The following ARAP1 variants were observed in gnomAD, a reference collection of about 807,000 sequenced individuals.
The protein encoded by ARAP1 is ArfGAP with RhoGAP domain, ankyrin repeat and PH domain 1.
Under a neutral mutation model 172.2 loss-of-function variants are expected in ARAP1, and 76 were observed. The observed-to-expected ratio is 0.44, with a 90% CI of 0.37 to 0.53. ARAP1 has a LOEUF of 0.53. ARAP1 is among the 20% of genes least tolerant of loss of function. ARAP1 has a pLI of 0.00. For missense variants in ARAP1, 1,686 were observed against 1,977.5 expected, an observed-to-expected ratio of 0.85 and a Z score of 2.80; for synonymous variants, 804 against 803.3, an observed-to-expected ratio of 1.00 and a Z score of -0.01.
intron 4 of ARAP1, 78 bp from the exon 5 acceptor site, chr11:72,713,321 A>G: frequency 7.3e-7 from 1 of 1,375,386 alleles, no homozygotes; most frequent in South Asian, 1.2e-5. Flanking sequence ...GGGCTTCACA[A>G]AGCCTCCCCC....
intron 33 of ARAP1, among the ~76,000 whole-genome samples, chr11:72,686,996 T>C (rs531476134): frequency 1.3e-5 from 2 of 152,340 alleles, no homozygotes; most frequent in Admixed American, 6.5e-5. Context: ...CACATTCCAC[T>C]GTAACAATCT....
intron 23 of ARAP1, 48 bp downstream of exon 23, chr11:72,696,501 A>G: frequency 7.0e-7 from 1 of 1,428,938 alleles, no homozygotes; most frequent in Non-Finnish European, 9.3e-7. Context: ...GGGGTAGAAG[A>G]ACCTTCATCC....
chr11:72,695,191 T>A lies in ARAP1; in HGVS notation c.3577-94A>T. The A allele has an allele frequency of 7.0e-7, 1 of 1,433,166 alleles. No individual in the cohort carries two copies. Among genetic ancestry groups the A allele is most frequent in the Non-Finnish European group, 9.7e-7 (1 of 1,030,084 alleles). The allele number at this position is 1,433,166 out of a possible 1,614,324, so 88.8% of individuals were successfully genotyped here. A position where few individuals can be genotyped will look rare whatever the true frequency, so the allele number is the denominator to read the frequency against. Reference sequence around the variant, plus strand: ...GACTCAGAGCCTGAGCCCATCCTTCTCAGGCCCTTCTGGAGTCCTGGGATA... The same window carrying A: ...GACTCAGAGCCTGAGCCCATCCTTCACAGGCCCTTCTGGAGTCCTGGGATA... On this transcript the variant is annotated intron_variant, in intron 26 of 34. Coordinates refer to ENST00000393609, the MANE Select transcript of ARAP1 (RefSeq NM_001040118.3). The surrounding 1 kb of genome is among the most constrained non-coding windows in gnomAD (Gnocchi z 4.4).
Position 72,703,064 on chromosome 11 carries a change from C to G in ARAP1, c.2008G>C (p.Val670Leu). 6.3e-7 allele frequency: 1 copy of G among 1,585,312 alleles called. No homozygotes were observed. Among genetic ancestry groups the G allele is most frequent in the Non-Finnish European group, 8.6e-7 (1 of 1,167,698 alleles). ...EELDKALCAA[V>L]TTTDLAETQA... ...GTCTCAGCCAGGTCTGTGGTGGTGA[C>G]TGCAGCACACAGGGCCTAGGAAGAG... The change falls in exon 15 of 35, where the codon GTC becomes CTC. Residue 670 changes from valine to leucine, a missense_variant. By Grantham distance (32) the Val-to-Leu change is conservative. Transcript: ENST00000393609.
chr11:72,698,081 T>C lies in ARAP1; in HGVS notation c.2567A>G (p.Asp856Gly). Residue 856 changes from aspartate to glycine, a missense_variant, in exon 19 of 35, where the codon GAT (aspartate) becomes GGT (glycine). Physicochemically the swap from Asp to Gly is moderately conservative, Grantham distance 94. This residue lies in a region of ARAP1 where 688 missense variants were observed against 856.9 expected (regional missense o/e 0.80). Coordinates refer to ENST00000393609, the MANE Select transcript of ARAP1 (RefSeq NM_001040118.3). ...CCGCTCAAAATCCCGGGCCAGCAGATCCTCGGCTAGGGGAGGCACGAATGC... is the reference window on the plus strand; with the variant it reads ...CCGCTCAAAATCCCGGGCCAGCAGACCCTCGGCTAGGGGAGGCACGAATGC... ...AKAFVPPLAE[D>G]LLARDFERLG... The C allele has an allele frequency of 6.2e-7, 1 of 1,603,832 alleles. No individual in the cohort carries two copies. Among genetic ancestry groups the C allele is most frequent in the Non-Finnish European group, 8.5e-7 (1 of 1,175,970 alleles).
intron 32 of ARAP1, 84 bp downstream of exon 32, chr11:72,687,604 T>C (rs1368742269): frequency 1.9e-6 from 3 of 1,612,442 alleles, no homozygotes; most frequent in Non-Finnish European, 2.5e-6. Flanking sequence ...GTCACAGATC[T>C]GGGCAGTGAT....
At chr11:72,744,735 C>A (rs984352190) in intron 1 of ARAP1, among the ~76,000 whole-genome samples, 5 of 152,146 alleles carry the variant, frequency 3.3e-5, no homozygotes, top group Non-Finnish European at 7.4e-5. Flanking sequence ...ACCTCCCTCC[C>A]CCGTCCCCCA....
Position 72,726,932 on chromosome 11 carries a change from C to T in ARAP1, c.197G>A (p.Arg66His), listed in dbSNP as rs778689879. The change falls in exon 3 of 35, where the codon CGT (arginine) becomes CAT (histidine). Residue 66 changes from arginine to histidine, a missense_variant. By Grantham distance (29) the Arg-to-His change is conservative (BLOSUM62 0). This residue lies in a region of ARAP1 where 190 missense variants were observed against 228.6 expected (regional missense o/e 0.83). Transcript: ENST00000393609. The surrounding 1 kb of genome is among the most constrained non-coding windows in gnomAD (Gnocchi z 6.5). ...HRRRILAGLLRAHTSPAPAPR... is the reference protein window; with the variant it reads ...HRRRILAGLLHAHTSPAPAPR... ...TGCAGGGGCCGGTGAGGTATGGGCA[C>T]GGAGCAGGCCAGCCAGGATGCGGCG... 3 of 1,594,280 alleles carry T rather than the reference C, an allele frequency of 1.9e-6. No homozygotes were observed. Among genetic ancestry groups the T allele is most frequent in the Admixed American group, 1.7e-5 (1 of 57,212 alleles).
chr11:72,730,758 T>C (rs1857841919), intron 2 of ARAP1, among the ~76,000 whole-genome samples: 1 of 152,222 alleles, frequency 6.6e-6, no homozygotes, highest in Non-Finnish European at 1.5e-5. Context: ...TAGCCTGCAT[T>C]TTTACTGGCA....
chr11:72,699,291 G>A lies in ARAP1; in HGVS notation c.2438+126C>T. 6.7e-7 allele frequency: 1 copy of A among 1,482,164 alleles called. No homozygotes were observed. The highest frequency in any genetic ancestry group is 9.1e-7 in the Non-Finnish European group (1 of 1,094,336). The allele number at this position is 1,482,164 out of a possible 1,614,324, so 91.8% of individuals were successfully genotyped here. A position where few individuals can be genotyped will look rare whatever the true frequency, so the allele number is the denominator to read the frequency against. Reference sequence around the variant, plus strand: ...CCTCAAGAGACTGGAGTCGGCCCTTGTGCAGCCTCCGTTTGCTGTGTGACT... The same window carrying A: ...CCTCAAGAGACTGGAGTCGGCCCTTATGCAGCCTCCGTTTGCTGTGTGACT... On this transcript the variant is annotated intron_variant, in intron 17 of 34. Coordinates refer to ENST00000393609, the MANE Select transcript of ARAP1 (RefSeq NM_001040118.3). The surrounding 1 kb of genome is among the most constrained non-coding windows in gnomAD (Gnocchi z 4.2).
chr11:72,730,610 G>A (rs1477094135), intron 2 of ARAP1, among the ~76,000 whole-genome samples: 1 of 152,202 alleles, frequency 6.6e-6, no homozygotes, highest in Non-Finnish European at 1.5e-5. Flanking sequence ...AGGTGCAGGA[G>A]AATCGCTTGA....
At chr11:72,713,125 G>A (rs371809887) in intron 5 of ARAP1, 51 bp downstream of exon 5, 2 of 1,582,998 alleles carry the variant, frequency 1.3e-6, no homozygotes, top group Non-Finnish European at 1.7e-6. Context: ...ACAGGCAGCT[G>A]GGCACCCCCA....
At chr11:72,720,465 C>T (rs1857461432) in intron 3 of ARAP1, among the ~76,000 whole-genome samples, 3 of 152,188 alleles carry the variant, frequency 2.0e-5, no homozygotes, top group Admixed American at 2.0e-4. Context: ...CGGTCTGCTT[C>T]TCTCAACTTC....
chr11:72,699,301 C>T lies in ARAP1; in HGVS notation c.2438+116G>A, dbSNP rs575726841. ...CTGGAGTCGGCCCTTGTGCAGCCTCCGTTTGCTGTGTGACTCTGCGGAGGT... is the reference window on the plus strand; with the variant it reads ...CTGGAGTCGGCCCTTGTGCAGCCTCTGTTTGCTGTGTGACTCTGCGGAGGT... On this transcript the variant is annotated intron_variant, in intron 17 of 34. Transcript: ENST00000393609. This position sits in a 1 kb window ranked among gnomAD's most constrained non-coding sequence, Gnocchi z 4.2. The T allele has an allele frequency of 2.1e-5, 31 of 1,511,822 alleles. No homozygotes were observed. Among genetic ancestry groups the T allele is most frequent in the East Asian group, 1.6e-4 (7 of 42,800 alleles). 93.7% of individuals were successfully genotyped at this position (1,511,822 alleles called of 1,614,324 possible).
At position 72,726,847 on chromosome 11, in the gene ARAP1, C is replaced by T. The variant is rs1159145392; in HGVS notation, c.282G>A (p.Val94=). 2 of 1,558,366 alleles carry T rather than the reference C, an allele frequency of 1.3e-6. No homozygotes were observed. The highest frequency in any genetic ancestry group is 1.7e-6 in the Non-Finnish European group (2 of 1,151,980). Residue 94 remains valine, a synonymous_variant, in exon 3 of 35, where the codon GTG becomes GTA. Coordinates refer to ENST00000393609, the MANE Select transcript of ARAP1 (RefSeq NM_001040118.3). The surrounding 1 kb of genome is among the most constrained non-coding windows in gnomAD (Gnocchi z 6.5). ...MKRHIFRSPP[V]PATPPEPLPT... ...GCAGCGGCTCGGGTGGAGTGGCAGG[C>T]ACAGGTGGTGAGCGGAAGATGTGGC...
Position 72,693,423 on chromosome 11 carries a change from C to T in ARAP1, c.3856G>A (p.Asp1286Asn). The T allele has an allele frequency of 6.2e-7, 1 of 1,613,882 alleles. No individual in the cohort carries two copies. The highest frequency in any genetic ancestry group is 1.1e-5 in the South Asian group (1 of 91,082). ...TKHGMMKFRE[D>N]RSLLGLGLPS... ...AGGCCCAGGCCCAGGAGGCTGCGGT[C>T]CTCACGGAACTTCATCATGCCATGC... The change falls in exon 29 of 35, where the codon GAC becomes AAC. Residue 1286 changes from aspartate to asparagine, a missense_variant. Asp to Asn is a conservative substitution (Grantham distance 23). Coordinates refer to ENST00000393609, the MANE Select transcript of ARAP1 (RefSeq NM_001040118.3). The surrounding 1 kb of genome is among the most constrained non-coding windows in gnomAD (Gnocchi z 4.6).
Position 72,693,448 on chromosome 11 carries a change from C to G in ARAP1, c.3831G>C (p.Lys1277Asn). Residue 1277 changes from lysine (K) to asparagine (N), a missense_variant, in exon 29 of 35, where the codon AAG (lysine) becomes AAC (asparagine). Lys to Asn is a moderately conservative substitution (Grantham distance 94). Around this residue, in one of 5 missense-constraint regions of ARAP1, gnomAD observed 379 missense variants for 500.1 expected, o/e 0.76. Transcript: ENST00000393609. The surrounding 1 kb of genome is among the most constrained non-coding windows in gnomAD (Gnocchi z 4.6). The stretch of plus-strand genomic sequence containing the variant: ...CCTCACGGAACTTCATCATGCCATG[C>G]TTGGTGTCACCGACACGGCTGGCTG... ...LYLASRVGDT[K>N]HGMMKFREDR... The G allele has an allele frequency of 6.2e-7, 1 of 1,613,574 alleles. No homozygotes were observed. Among genetic ancestry groups the G allele is most frequent in the South Asian group, 1.1e-5 (1 of 91,076 alleles).
At chr11:72,690,088 A>T (rs1483529016) in intron 30 of ARAP1, among the ~76,000 whole-genome samples, 1 of 152,168 alleles carries the variant, frequency 6.6e-6, no homozygotes, top group African/African-American at 2.4e-5. Context: ...ACTGGACTCC[A>T]GGTACAGGAG....
chr11:72,688,011 T>G (rs1044812639), intron 31 of ARAP1, among the ~76,000 whole-genome samples: 6 of 152,228 alleles, frequency 3.9e-5, no homozygotes, highest in Admixed American at 6.5e-5. Flanking sequence ...GTTGTTGTTT[T>G]TTTTTTGAGA....
Sources: gnomAD v4.1 joint callset for allele counts (sites outside exome capture counted in the v4.1 genomes callset) on GRCh38, gnomAD v4.1.1 for gene constraint, gnomAD v4.1.1 regional missense constraint, Gnocchi (gnomAD v3.1) non-coding constraint, MANE v1.5 for transcripts, NCBI Gene and HGNC (gene_info 2026-07-23, HGNC 2026-07-21) for gene names.